The following CACNB4 variants were observed in gnomAD, a reference collection of about 807,000 sequenced individuals.
CACNB4 encodes the protein voltage-dependent L-type calcium channel subunit beta-4.
CACNB4 carries 32 observed loss-of-function variants against 71.2 expected under a neutral mutation model. The observed-to-expected ratio is 0.45, with a 90% CI of 0.34 to 0.60. CACNB4 has a LOEUF of 0.60. CACNB4 is among the 20% of genes least tolerant of loss of function. The probability of loss-of-function intolerance (pLI) is 0.01; values close to 1 mark genes in which losing one functional copy is unlikely to be tolerated. For missense variants in CACNB4, 464 were observed against 647.9 expected (o/e 0.72, Z 3.08); for synonymous variants, 231 against 236.9 (o/e 0.97, Z 0.23).
chr2:151,884,948 G>A (rs543712917), intron 2 of CACNB4, among the ~76,000 whole-genome samples: 1 of 152,178 alleles, frequency 6.6e-6, no homozygotes, highest in Admixed American at 6.5e-5. Flanking sequence ...CACTGAGTGG[G>A]GGAAAAAGCT....
intron 2 of CACNB4, among the ~76,000 whole-genome samples, chr2:152,022,214 A>T (rs1056067639): frequency 1.4e-4 from 21 of 152,132 alleles, no homozygotes; most frequent in African/African-American, 5.1e-4. Flanking sequence ...TCAAACTGCT[A>T]CCCTTAATTT....
At chr2:151,942,202 A>T (rs1578894034) in intron 2 of CACNB4, among the ~76,000 whole-genome samples, 2 of 149,312 alleles carry the variant, frequency 1.3e-5, no homozygotes, top group South Asian at 4.2e-4. Flanking sequence ...ATCCATAGTT[A>T]TCTAGAACTG....
At chr2:151,955,966 C>T (rs2151679508) in intron 2 of CACNB4, among the ~76,000 whole-genome samples, 1 of 151,182 alleles carries the variant, frequency 6.6e-6, no homozygotes, top group Middle Eastern at 3.4e-3. Context: ...TCTATAAAGT[C>T]TATAAAGAGG....
rs143021224 is a variant in CACNB4 at position 152,069,033 on chromosome 2, G to A, written c.147+29297C>T. Among the ~76,000 whole-genome samples, 9 of 152,266 alleles carry A rather than the reference G, an allele frequency of 5.9e-5. No homozygotes were observed. The East Asian group carries it at 1.7e-3, about 29-fold the overall frequency. Reference sequence around the variant, plus strand: ...CCGGATGCTTGGCACTCACGCATGTGCAACTAGGTAGTATGAGGGAGCTAA... The same window carrying A: ...CCGGATGCTTGGCACTCACGCATGTACAACTAGGTAGTATGAGGGAGCTAA... On this transcript the variant is annotated intron_variant, in intron 2 of 13. Transcript: ENST00000539935.
chr2:152,009,570 T>G (rs1047355005), intron 2 of CACNB4, among the ~76,000 whole-genome samples: 4 of 152,214 alleles, frequency 2.6e-5, no homozygotes, highest in Non-Finnish European at 5.9e-5. Flanking sequence ...GTTGTATATC[T>G]AAAACAACTC....
At chr2:151,909,237 C>T (rs954065509) in intron 2 of CACNB4, among the ~76,000 whole-genome samples, 1 of 150,878 alleles carries the variant, frequency 6.6e-6, no homozygotes, top group Non-Finnish European at 1.5e-5. Context: ...TCAAGACCAG[C>T]CTGGCCAACG....
chr2:151,860,426 A>C, intron 10 of CACNB4: 1 of 438,476 alleles, frequency 2.3e-6, no homozygotes, highest in Non-Finnish European at 4.1e-6. Flanking sequence ...AGCAAAGTGG[A>C]GATGACTGGT....
chr2:152,008,852 T>G (rs529921411), intron 2 of CACNB4, among the ~76,000 whole-genome samples: 19 of 152,268 alleles, frequency 1.2e-4, no homozygotes, highest in Non-Finnish European at 2.5e-4. Context: ...AATCTGCATT[T>G]TAACAAGATC....
At chr2:152,013,845 T>G (rs567534453) in intron 2 of CACNB4, among the ~76,000 whole-genome samples, 44 of 152,214 alleles carry the variant, frequency 2.9e-4, no homozygotes, top group Non-Finnish European at 5.0e-4. Flanking sequence ...AGCATACCTT[T>G]TACAGACTTC....
At chr2:151,862,889 T>C (rs879405771) in intron 9 of CACNB4, among the ~76,000 whole-genome samples, 20 of 152,258 alleles carry the variant, frequency 1.3e-4, no homozygotes, top group East Asian at 9.6e-4. Context: ...TGGTCAAGCA[T>C]GGATGCACAG....
chr2:151,856,084 A>G (rs1328044809), intron 10 of CACNB4, among the ~76,000 whole-genome samples: 1 of 151,396 alleles, frequency 6.6e-6, no homozygotes, highest in Non-Finnish European at 1.5e-5. Context: ...TAGCCAAGTG[A>G]CCCAAATCTG....
intron 2 of CACNB4, among the ~76,000 whole-genome samples, chr2:152,042,611 T>TA (rs1211509625): frequency 1.1e-4 from 16 of 152,214 alleles, no homozygotes; most frequent in African/African-American, 3.9e-4. Flanking sequence ...ATAATCATTT[T>TA]AAAAAAAGAT....
chr2:152,009,105 C>T (rs1167602096), intron 2 of CACNB4, among the ~76,000 whole-genome samples: 2 of 151,296 alleles, frequency 1.3e-5, no homozygotes, highest in Admixed American at 6.6e-5. Flanking sequence ...GTGGGAGGAT[C>T]GCTTGAGCCC....
chr2:151,921,951 T>A (rs552120963), intron 2 of CACNB4, among the ~76,000 whole-genome samples: 1 of 152,336 alleles, frequency 6.6e-6, no homozygotes, highest in East Asian at 1.9e-4. Context: ...CCTTCAGAAC[T>A]GTGAGTCAAA....
chr2:151,911,283 T>C (rs373575353), intron 2 of CACNB4, among the ~76,000 whole-genome samples: 1 of 152,226 alleles, frequency 6.6e-6, no homozygotes, highest in East Asian at 1.9e-4. Flanking sequence ...CCTATTTGAA[T>C]ACCCTTTCTT....
intron 2 of CACNB4, among the ~76,000 whole-genome samples, chr2:152,001,628 G>A (rs1369515256): frequency 2.0e-5 from 3 of 149,968 alleles, no homozygotes; most frequent in Non-Finnish European, 4.4e-5. Context: ...CAGGAGAATC[G>A]CTTGAACCTG....
intron 2 of CACNB4, among the ~76,000 whole-genome samples, chr2:151,908,392 A>G (rs1185430307): frequency 6.6e-6 from 1 of 152,160 alleles, no homozygotes; most frequent in East Asian, 1.9e-4. Flanking sequence ...TAAAGAGAGG[A>G]TTTTATTCCA....
intron 2 of CACNB4, among the ~76,000 whole-genome samples, chr2:151,948,732 C>G (rs1322980554): frequency 6.6e-6 from 1 of 152,056 alleles, no homozygotes. Context: ...GCCCTGTACC[C>G]TTGGGTATTT....
At chr2:152,046,536 C>G (rs1685150293) in intron 2 of CACNB4, among the ~76,000 whole-genome samples, 1 of 152,150 alleles carries the variant, frequency 6.6e-6, no homozygotes, top group South Asian at 2.1e-4. Flanking sequence ...TTCCATCTCA[C>G]CCTCATTTCC....
Sources: allele counts gnomAD v4.1 joint callset (sites outside exome capture counted in the v4.1 genomes callset), GRCh38; gene constraint gnomAD v4.1.1; transcripts MANE v1.5; gene names NCBI Gene and HGNC (gene_info 2026-07-23, HGNC 2026-07-21).